The following PHACTR3 variants were observed in gnomAD, a reference collection of about 807,000 sequenced individuals.
The protein encoded by PHACTR3 is protein phosphatase 1, regulatory subunit 123.
A neutral mutation model predicts 66.8 loss-of-function variants in PHACTR3; 16 were observed. The ratio of observed to expected loss-of-function variants is 0.24; its 90% CI spans 0.16 to 0.36. The LOEUF (loss-of-function observed/expected upper bound fraction) is 0.36. Ranked by LOEUF, PHACTR3 falls within the 10% of genes least tolerant of loss-of-function variation. The pLI is 1.00. For synonymous variants in PHACTR3, 323 were observed against 292.1 expected (o/e 1.11, Z -1.08); for missense variants, 647 against 719.9 (o/e 0.90, Z 1.16).
chr20:59,720,291 A>G (rs1207001812), intron 1 of PHACTR3, among the ~76,000 whole-genome samples: 1 of 152,178 alleles, frequency 6.6e-6, no homozygotes. Context: ...TGTTGTGTCC[A>G]TAATACATGA....
At chr20:59,783,384 C>T (rs1414542520) in intron 7 of PHACTR3, among the ~76,000 whole-genome samples, 2 of 152,176 alleles carry the variant, frequency 1.3e-5, no homozygotes, top group South Asian at 2.1e-4. Context: ...AGAGTGGGAA[C>T]GCACAGCCCC....
At chr20:59,602,439 C>CAAAA (rs11477953), upstream of PHACTR3, among the ~76,000 whole-genome samples, 2 of 85,998 alleles carry the variant, frequency 2.3e-5, no homozygotes, top group African/African-American at 8.0e-5. Context: ...AAAACTCTTT[C>CAAAA]AAAAAAAAAA....
At chr20:59,751,901 C>G (rs2039602233) in intron 3 of PHACTR3, among the ~76,000 whole-genome samples, 1 of 152,130 alleles carries the variant, frequency 6.6e-6, no homozygotes, top group East Asian at 1.9e-4. Flanking sequence ...GTCCCCTTCC[C>G]CAGCCCCCTT....
At chr20:59,612,524 A>G (rs940220592) in intron 1 of PHACTR3, among the ~76,000 whole-genome samples, 4 of 152,080 alleles carry the variant, frequency 2.6e-5, no homozygotes, top group Non-Finnish European at 5.9e-5. Context: ...GGCTGGGACT[A>G]CAGGTGCGCG....
intron 1 of PHACTR3, among the ~76,000 whole-genome samples, chr20:59,722,858 G>A (rs1474516030): frequency 1.3e-5 from 2 of 151,992 alleles, no homozygotes; most frequent in African/African-American, 4.8e-5. Context: ...GAGCACCGCA[G>A]CTTGTAAGAG....
intron 1 of PHACTR3, among the ~76,000 whole-genome samples, chr20:59,708,531 G>T (rs542592011): frequency 7.4e-4 from 113 of 152,294 alleles, no homozygotes; most frequent in African/African-American, 2.5e-3. Flanking sequence ...TACAGGTGGG[G>T]ATGTGTAATT....
At chr20:59,683,891 G>A (rs901490400) in intron 1 of PHACTR3, among the ~76,000 whole-genome samples, 13 of 152,182 alleles carry the variant, frequency 8.5e-5, no homozygotes, top group African/African-American at 3.1e-4. Context: ...CGTTATAGTG[G>A]GTAGAAGAAG....
At chr20:59,750,144 C>T (rs1439791373) in intron 3 of PHACTR3, among the ~76,000 whole-genome samples, 3 of 151,810 alleles carry the variant, frequency 2.0e-5, no homozygotes, top group South Asian at 2.1e-4. Flanking sequence ...CACAAAAAGC[C>T]GGCAACTCAC....
chr20:59,846,470 AAC>A (rs1281121622), intron 12 of PHACTR3, among the ~76,000 whole-genome samples: 2 of 152,182 alleles, frequency 1.3e-5, no homozygotes, highest in Non-Finnish European at 2.9e-5. Flanking sequence ...GTTTAGGAAA[AAC>A]AGTTTCAGTA....
At chr20:59,644,333 CTATT>C (rs750330671) in intron 1 of PHACTR3, among the ~76,000 whole-genome samples, 6 of 152,208 alleles carry the variant, frequency 3.9e-5, no homozygotes, top group Non-Finnish European at 7.3e-5. Context: ...GAATTAACTT[CTATT>C]TGTTGTGATA....
chr20:59,617,102 CT>C, intron 1 of PHACTR3, among the ~76,000 whole-genome samples: 1 of 152,124 alleles, frequency 6.6e-6, no homozygotes, highest in Admixed American at 6.5e-5. Flanking sequence ...CATCCTTTTT[CT>C]TTAGGGATTT....
rs1289476339 is a variant in PHACTR3 at position 59,661,877 on chromosome 20, T to C, written c.118+56745T>C. On this transcript the variant is annotated intron_variant, in intron 1 of 12. Transcript: ENST00000371015. ...AAATGAAATTTCTACTGGCTTCTCT[T>C]GTCCACAGGGTGACCGCTAGTGGCA... is the stretch of plus-strand genomic sequence containing the variant. Among the ~76,000 whole-genome samples the C allele has an allele frequency of 2.0e-5, 3 of 152,102 alleles. No individual in the cohort carries two copies. The East Asian group carries it at 5.8e-4, about 29-fold the overall frequency.
intron 1 of PHACTR3, among the ~76,000 whole-genome samples, chr20:59,672,782 C>T (rs1029534559): frequency 1.3e-5 from 2 of 152,210 alleles, no homozygotes; most frequent in African/African-American, 4.8e-5. Flanking sequence ...CAGGTTAATC[C>T]TCCCCCTTGA....
At chr20:59,676,569 C>G (rs1177725493) in intron 1 of PHACTR3, 2 of 277,422 alleles carry the variant, frequency 7.2e-6, no homozygotes, top group Non-Finnish European at 1.1e-5. Flanking sequence ...AATTGCAGTG[C>G]TGCGCCGGGT....
At chr20:59,624,812 G>C (rs1055577613) in intron 1 of PHACTR3, among the ~76,000 whole-genome samples, 6 of 152,196 alleles carry the variant, frequency 3.9e-5, no homozygotes, top group Admixed American at 3.9e-4. Context: ...CTAGTACAAA[G>C]ACTTTATGTA....
At chr20:59,728,558 A>G (rs190586988) in intron 1 of PHACTR3, among the ~76,000 whole-genome samples, 2 of 151,616 alleles carry the variant, frequency 1.3e-5, no homozygotes, top group East Asian at 1.9e-4. Context: ...ACAATGGACT[A>G]TTACCTTTTG....
chr20:59,630,682 T>G (rs2034629195), intron 1 of PHACTR3, among the ~76,000 whole-genome samples: 1 of 152,158 alleles, frequency 6.6e-6, no homozygotes, highest in Non-Finnish European at 1.5e-5. Flanking sequence ...CTAGAGGAAG[T>G]ACCACTGGGG....
chr20:59,786,341 CTG>C (rs1247605893), intron 7 of PHACTR3, among the ~76,000 whole-genome samples: 1 of 152,232 alleles, frequency 6.6e-6, no homozygotes, highest in Non-Finnish European at 1.5e-5. Context: ...GGTGATCCCT[CTG>C]AGAATTACTT....
At chr20:59,739,828 C>A (rs564362115) in intron 1 of PHACTR3, among the ~76,000 whole-genome samples, 1 of 152,052 alleles carries the variant, frequency 6.6e-6, no homozygotes, top group Non-Finnish European at 1.5e-5. Flanking sequence ...TCTTGGTGTC[C>A]CATCCTTCTG....
Sources: gnomAD v4.1 joint callset for allele counts (sites outside exome capture counted in the v4.1 genomes callset) on GRCh38, gnomAD v4.1.1 for gene constraint, MANE v1.5 for transcripts, NCBI Gene and HGNC (gene_info 2026-07-23, HGNC 2026-07-21) for gene names.